Variants in ATP6V1C2 observed in about 807,000 individuals in gnomAD.
The protein encoded by ATP6V1C2 is ATPase H+ transporting V1 subunit C2, also known as V-type proton ATPase subunit C 2.
Under a neutral mutation model 56.8 loss-of-function variants are expected in ATP6V1C2, and 45 were observed. The observed-to-expected ratio is 0.79, with a 90% CI of 0.62 to 1.02. The LOEUF (loss-of-function observed/expected upper bound fraction) is 1.02. Among genes scored for constraint, ATP6V1C2 ranks in the 50% least tolerant of loss-of-function variants. The pLI is 0.00. For synonymous variants in ATP6V1C2, 220 were observed against 201.3 expected, an observed-to-expected ratio of 1.09 and a Z score of -0.79; for missense variants, 463 against 519.7, an observed-to-expected ratio of 0.89 and a Z score of 1.06.
intron 4 of ATP6V1C2, among the ~76,000 whole-genome samples, chr2:10,755,871 C>T (rs187171601): frequency 6.8e-4 from 104 of 152,338 alleles, no homozygotes; most frequent in African/African-American, 2.0e-3. Flanking sequence ...CTGCCTCGTT[C>T]GTGCTGATGG....
chr2:10,777,812 TC>T (rs537017474), intron 11 of ATP6V1C2, 90 bp downstream of exon 11: 12 of 1,479,082 alleles, frequency 8.1e-6, no homozygotes, highest in Non-Finnish European at 1.1e-5. Context: ...CTTGCATTTT[TC>T]TGTTCTCTAA....
At chr2:10,739,142 G>A (rs1056081967) in intron 3 of ATP6V1C2, among the ~76,000 whole-genome samples, 1 of 152,114 alleles carries the variant, frequency 6.6e-6, no homozygotes, top group Non-Finnish European at 1.5e-5. Context: ...AATTAGCTGG[G>A]CATTGTGGCG....
chr2:10,733,274 G>T (rs949769000), intron 3 of ATP6V1C2, among the ~76,000 whole-genome samples: 16 of 152,156 alleles, frequency 1.1e-4, no homozygotes, highest in African/African-American at 3.1e-4. Flanking sequence ...GGGTAAAAGA[G>T]TGGGTTATAT....
At chr2:10,759,579 C>T (rs1663774635) in intron 4 of ATP6V1C2, among the ~76,000 whole-genome samples, 1 of 152,136 alleles carries the variant, frequency 6.6e-6, no homozygotes, top group Non-Finnish European at 1.5e-5. Flanking sequence ...CCAAGGTCTG[C>T]GTTGCCCCCT....
At chr2:10,721,420 GC>G (rs1468030961), upstream of ATP6V1C2, among the ~76,000 whole-genome samples, 2 of 152,102 alleles carry the variant, frequency 1.3e-5, no homozygotes, top group Non-Finnish European at 2.9e-5. Flanking sequence ...CGCCGCAGAA[GC>G]CCCCAGGGCC....
chr2:10,775,674 G>A (rs1348556615), intron 10 of ATP6V1C2, among the ~76,000 whole-genome samples: 2 of 143,778 alleles, frequency 1.4e-5, no homozygotes, highest in Non-Finnish European at 2.9e-5. Flanking sequence ...AGATGCTCAC[G>A]TTTGAATTGT....
In ATP6V1C2 at chr2:10,763,444, A is replaced by C. The variant is rs541053982; in HGVS notation, c.284-887A>C. Among the ~76,000 whole-genome samples, 5 of 152,222 alleles carry C rather than the reference A, an allele frequency of 3.3e-5. No homozygotes were observed. In the South Asian group the frequency reaches 8.3e-4, roughly 25 times the overall value. ...AGGGGTCTCCCTGTGGACCTTGGGC[A>C]GGGGGTGGTGTCTAGTGTGTGTCCC... On this transcript the variant is annotated intron_variant, in intron 4 of 13. Transcript: ENST00000272238. This position sits in a 1 kb window ranked among gnomAD's most constrained non-coding sequence, Gnocchi z 4.2.
At chr2:10,767,189 C>T (rs1383611215) in intron 5 of ATP6V1C2, among the ~76,000 whole-genome samples, 57 of 105,330 alleles carry the variant, frequency 5.4e-4, no homozygotes, top group African/African-American at 2.0e-3. Context: ...GAGGCAGAGT[C>T]TCACTGTGTT....
intron 3 of ATP6V1C2, among the ~76,000 whole-genome samples, chr2:10,728,904 C>T (rs927835671): frequency 5.4e-5 from 8 of 147,600 alleles, no homozygotes; most frequent in Admixed American, 6.9e-5. Flanking sequence ...TTCGGGAGGC[C>T]GAGGCAGGTG....
At chr2:10,759,817 A>G (rs4669624) in intron 4 of ATP6V1C2, among the ~76,000 whole-genome samples, 27,831 of 152,116 alleles carry the variant, frequency 0.18, 2,905 homozygotes, top group East Asian at 0.36. Context: ...CTCCTCTATT[A>G]TCTCACAATA....
chr2:10,743,913 G>A (rs1470334161), intron 3 of ATP6V1C2, among the ~76,000 whole-genome samples: 1 of 151,668 alleles, frequency 6.6e-6, no homozygotes, highest in Non-Finnish European at 1.5e-5. Flanking sequence ...GGAACCCGGA[G>A]GCGGAGGTTG....
At chr2:10,741,901 TC>T (rs1423055816) in intron 3 of ATP6V1C2, among the ~76,000 whole-genome samples, 1 of 3,482 alleles carries the variant, frequency 2.9e-4, no homozygotes, top group Non-Finnish European at 1.7e-3. Context: ...CCTCCTTCCT[TC>T]CTTCCTTCCT....
chr2:10,721,312 C>G (rs1661342616), upstream of ATP6V1C2, among the ~76,000 whole-genome samples: 1 of 151,992 alleles, frequency 6.6e-6, no homozygotes, highest in African/African-American at 2.4e-5. Flanking sequence ...GCGGGGTGGT[C>G]CCGAGCTCAG....
chr2:10,734,962 G>A (rs1364332615), intron 3 of ATP6V1C2, among the ~76,000 whole-genome samples: 1 of 152,118 alleles, frequency 6.6e-6, no homozygotes, highest in East Asian at 1.9e-4. Flanking sequence ...GGGTGTGACT[G>A]TATGCCCCAC....
intron 3 of ATP6V1C2, among the ~76,000 whole-genome samples, chr2:10,748,164 G>T (rs1246991804): frequency 6.6e-6 from 1 of 152,204 alleles, no homozygotes; most frequent in East Asian, 1.9e-4. Context: ...CCAAAGTGCT[G>T]GGATTACAGG....
At position 10,773,384 on chromosome 2, in the gene ATP6V1C2, C is replaced by T. The variant is rs987423341; in HGVS notation, c.638+774C>T. 5.9e-5 allele frequency among the ~76,000 whole-genome samples: 9 copies of T among 152,184 alleles called. No individual in the cohort carries two copies. In the East Asian group the frequency reaches 1.4e-3, roughly 23 times the overall value. On this transcript the variant is annotated intron_variant, in intron 8 of 13. Transcript: ENST00000272238. ...GTTTTGGGTGGCTGATCCAAAGCTGCGCGTTTTCCTTTTTTTGAGATGGAG... is the reference window on the plus strand; with the variant it reads ...GTTTTGGGTGGCTGATCCAAAGCTGTGCGTTTTCCTTTTTTTGAGATGGAG...
At chr2:10,770,779 TC>T (rs1284332673) in intron 6 of ATP6V1C2, among the ~76,000 whole-genome samples, 1 of 152,356 alleles carries the variant, frequency 6.6e-6, no homozygotes, top group South Asian at 2.1e-4. Context: ...CGTTTCTAAC[TC>T]CCTCCTCTGC....
At chr2:10,741,888 T>C (rs972489254) in intron 3 of ATP6V1C2, among the ~76,000 whole-genome samples, 2 of 62,324 alleles carry the variant, frequency 3.2e-5, no homozygotes, top group Non-Finnish European at 6.5e-5. Flanking sequence ...CCCTCCCTCC[T>C]TCCCTCCTTC....
rs1344386280 is a variant in ATP6V1C2 at position 10,784,721 on chromosome 2, T to C, written c.*1458T>C. On this transcript the variant is annotated 3_prime_UTR_variant, in exon 14 of 14. Transcript: ENST00000272238. ...GGAAAGCAACCTTACTACTGAAATG[T>C]ATCTTGGCTGTCAAGAGTATCAAAT... 1 of 558,916 alleles carries C rather than the reference T, an allele frequency of 1.8e-6. No homozygotes were observed. Among genetic ancestry groups the C allele is most frequent in the Non-Finnish European group, 3.2e-6 (1 of 316,736 alleles). The allele number at this position is 558,916 out of a possible 1,614,324, so 34.6% of individuals were successfully genotyped here.
Sources: allele counts gnomAD v4.1 joint callset (sites outside exome capture counted in the v4.1 genomes callset), GRCh38; gene constraint gnomAD v4.1.1; non-coding constraint Gnocchi (gnomAD v3.1); transcripts MANE v1.5; gene names NCBI Gene and HGNC (gene_info 2026-07-23, HGNC 2026-07-21).